CACNA2D1: variants seen among roughly 807,000 people sequenced by gnomAD.
CACNA2D1 encodes voltage-dependent calcium channel subunit alpha-2/delta-1.
In CACNA2D1, 53 loss-of-function variants were observed where a neutral mutation model predicts 171.5. The ratio of observed to expected loss-of-function variants is 0.31; its 90% CI spans 0.25 to 0.39. The LOEUF is 0.39. Ranked by LOEUF, CACNA2D1 falls within the 10% of genes least tolerant of loss-of-function variation. The pLI, the probability that CACNA2D1 is intolerant of heterozygous loss-of-function variation, is 1.00. For synonymous variants in CACNA2D1, 442 were observed against 443.1 expected, an observed-to-expected ratio of 1.00 and a Z score of 0.03; for missense variants, 903 against 1,299.8, an observed-to-expected ratio of 0.69 and a Z score of 4.69.
intron 1 of CACNA2D1, among the ~76,000 whole-genome samples, chr7:82,402,763 G>A (rs749071687): frequency 7.0e-6 from 1 of 142,890 alleles, no homozygotes; most frequent in Non-Finnish European, 1.5e-5. Context: ...TGAGGTTAAA[G>A]AGTTTGAATA....
At chr7:82,045,832 G>A (rs917858940) in intron 10 of CACNA2D1, among the ~76,000 whole-genome samples, 1 of 152,114 alleles carries the variant, frequency 6.6e-6, no homozygotes, top group Non-Finnish European at 1.5e-5. Flanking sequence ...TATAGTTGAG[G>A]AAATGAGGTG....
chr7:82,191,480 A>G (rs1456325606), intron 3 of CACNA2D1, among the ~76,000 whole-genome samples: 1 of 151,768 alleles, frequency 6.6e-6, no homozygotes, highest in South Asian at 2.1e-4. Context: ...ACACTTCTCT[A>G]AACCTGAAAA....
intron 18 of CACNA2D1, among the ~76,000 whole-genome samples, chr7:82,000,549 A>G (rs1172439438): frequency 3.9e-5 from 6 of 151,906 alleles, no homozygotes. Flanking sequence ...CAGCTTATCC[A>G]TCTCTTAATA....
At chr7:82,251,387 T>C (rs916124211) in intron 3 of CACNA2D1, among the ~76,000 whole-genome samples, 3 of 152,194 alleles carry the variant, frequency 2.0e-5, no homozygotes, top group Admixed American at 2.0e-4. Flanking sequence ...TAGTAATTTG[T>C]TATACATTGC....
intron 1 of CACNA2D1, among the ~76,000 whole-genome samples, chr7:82,417,758 G>A (rs925088216): frequency 6.6e-6 from 1 of 152,080 alleles, no homozygotes; most frequent in Non-Finnish European, 1.5e-5. Context: ...GTCTGTAGTA[G>A]GAAAGGTAAA....
intron 19 of CACNA2D1, among the ~76,000 whole-genome samples, chr7:81,996,349 G>T (rs1189087015): frequency 6.6e-6 from 1 of 151,980 alleles, no homozygotes; most frequent in African/African-American, 2.4e-5. Context: ...ACCGTCTAGG[G>T]TAATTATAAT....
At chr7:82,039,771 GAAC>G (rs1225836376) in intron 10 of CACNA2D1, among the ~76,000 whole-genome samples, 9 of 152,088 alleles carry the variant, frequency 5.9e-5, no homozygotes, top group Admixed American at 5.2e-4. Flanking sequence ...CAAGCAAACA[GAAC>G]AACATGTGCA....
chr7:82,063,300 C>T (rs931248813), intron 9 of CACNA2D1, among the ~76,000 whole-genome samples: 1 of 152,030 alleles, frequency 6.6e-6, no homozygotes, highest in African/African-American at 2.4e-5. Context: ...CAAGGATTAG[C>T]ATATAAGATC....
intron 10 of CACNA2D1, among the ~76,000 whole-genome samples, chr7:82,056,006 AG>A (rs1332249549): frequency 1.5e-4 from 10 of 67,570 alleles, no homozygotes; most frequent in Non-Finnish European, 2.9e-4. Context: ...CCTACTCAAA[AG>A]TTAAAAAAAA....
chr7:82,349,631 A>C lies in CACNA2D1; in HGVS notation c.114T>G (p.Asp38Glu). The change falls in exon 2 of 39, where the codon GAT (aspartate) becomes GAG (glutamate). Residue 38 changes from aspartate to glutamate, a missense_variant. Transcript: ENST00000356860. ...PSAVTIKSWVDKMQEDLVTLA... is the reference protein window; with the variant it reads ...PSAVTIKSWVEKMQEDLVTLA... Reference sequence around the variant, plus strand: ...GTGTGACAAGGTCTTCTTGCATCTTATCCACCCATGATTTGATACTGCAGA... The same window carrying C: ...GTGTGACAAGGTCTTCTTGCATCTTCTCCACCCATGATTTGATACTGCAGA... 1 of 1,613,818 alleles carries C rather than the reference A, an allele frequency of 6.2e-7. No individual in the cohort carries two copies. Among genetic ancestry groups the C allele is most frequent in the African/African-American group, 1.3e-5 (1 of 75,058 alleles).
intron 1 of CACNA2D1, among the ~76,000 whole-genome samples, chr7:82,422,148 G>A (rs945666528): frequency 3.9e-5 from 6 of 152,142 alleles, no homozygotes; most frequent in African/African-American, 1.4e-4. Flanking sequence ...GGGTCATCTT[G>A]CCAAGATACA....
chr7:82,180,016 C>T (rs1224954040), intron 3 of CACNA2D1, among the ~76,000 whole-genome samples: 1 of 152,050 alleles, frequency 6.6e-6, no homozygotes, highest in African/African-American at 2.4e-5. Context: ...ATTGTTTTGA[C>T]CATATTAGTC....
intron 3 of CACNA2D1, among the ~76,000 whole-genome samples, chr7:82,285,568 T>C (rs1391664078): frequency 1.3e-5 from 2 of 152,154 alleles, no homozygotes; most frequent in East Asian, 1.9e-4. Context: ...GTACTATCCA[T>C]ATATTATGGT....
chr7:82,189,398 CTCTA>C (rs570134340), intron 3 of CACNA2D1, among the ~76,000 whole-genome samples: 41 of 151,896 alleles, frequency 2.7e-4, no homozygotes, highest in Admixed American at 4.6e-4. Flanking sequence ...CTCTAAGTTT[CTCTA>C]TCTAAGATTC....
intron 5 of CACNA2D1, among the ~76,000 whole-genome samples, chr7:82,130,076 A>G (rs1018252750): frequency 6.6e-6 from 1 of 152,220 alleles, no homozygotes; most frequent in Non-Finnish European, 1.5e-5. Context: ...TTCTTAAACT[A>G]TACTTCAGAA....
At chr7:81,955,970 ATATATATATATTTTT>A (rs1793248963) in intron 38 of CACNA2D1, among the ~76,000 whole-genome samples, 3 of 65,910 alleles carry the variant, frequency 4.6e-5, no homozygotes, top group African/African-American at 6.3e-5. Context: ...CTATATATAT[ATATATATATATTTTT>A]TTTTTTTTTT....
intron 3 of CACNA2D1, among the ~76,000 whole-genome samples, chr7:82,270,943 C>A (rs921532215): frequency 6.6e-6 from 1 of 152,100 alleles, no homozygotes; most frequent in African/African-American, 2.4e-5. Flanking sequence ...TATTTAACTA[C>A]AAACTACTTC....
In CACNA2D1 at chr7:82,291,482, T is replaced by C. The variant is rs1306295975; in HGVS notation, c.294+43653A>G. ...ATTAAATATATAATATATAAAAATA[T>C]ATTATATATATTTTTATATATAGAT... On this transcript the variant is annotated intron_variant, in intron 3 of 38. Coordinates refer to ENST00000356860, the MANE Select transcript of CACNA2D1 (RefSeq NM_000722.4). 1.1e-4 allele frequency among the ~76,000 whole-genome samples: 15 copies of C among 134,196 alleles called. No individual in the cohort carries two copies. In the Admixed American group the frequency reaches 1.3e-3, roughly 11 times the overall value. 88.0% of individuals were successfully genotyped at this position (134,196 alleles called of 152,430 possible).
rs541190882 is a variant in CACNA2D1 at position 82,228,661 on chromosome 7, C to T, written c.295-58052G>A. ...CTTTGAAAGAGAGGCAGTAACAACA[C>T]CTACCTCACAGGGTGGTGGTGAGAA... On this transcript the variant is annotated intron_variant, in intron 3 of 38. Coordinates refer to ENST00000356860, the MANE Select transcript of CACNA2D1 (RefSeq NM_000722.4). 4.5e-4 allele frequency among the ~76,000 whole-genome samples: 69 copies of T among 152,190 alleles called. 3 individuals are homozygous for T. In the South Asian group the frequency reaches 0.014, roughly 31 times the overall value.
Sources: allele counts gnomAD v4.1 joint callset (sites outside exome capture counted in the v4.1 genomes callset), GRCh38; gene constraint gnomAD v4.1.1; transcripts MANE v1.5; gene names NCBI Gene and HGNC (gene_info 2026-07-23, HGNC 2026-07-21).